Variants in DCC observed in about 807,000 individuals in gnomAD.
The protein encoded by DCC is netrin receptor DCC.
DCC carries 58 observed loss-of-function variants against 172.5 expected under a neutral mutation model. The ratio of observed to expected loss-of-function variants is 0.34; its 90% CI spans 0.27 to 0.42. DCC has a LOEUF of 0.42. Ranked by LOEUF, DCC falls within the 10% of genes least tolerant of loss-of-function variation. The probability of loss-of-function intolerance (pLI) is 1.00; values close to 1 mark genes in which losing one functional copy is unlikely to be tolerated. For missense variants in DCC, 1,740 were observed against 1,791.0 expected, an observed-to-expected ratio of 0.97 and a Z score of 0.51; for synonymous variants, 709 against 644.5, an observed-to-expected ratio of 1.10 and a Z score of -1.52.
At chr18:52,490,085 C>T (rs1313068054) in intron 1 of DCC, among the ~76,000 whole-genome samples, 1 of 152,046 alleles carries the variant, frequency 6.6e-6, no homozygotes. Flanking sequence ...TCTTTAATTG[C>T]TTACTAATGT....
intron 5 of DCC, among the ~76,000 whole-genome samples, chr18:53,034,231 T>C (rs889291202): frequency 2.6e-5 from 4 of 152,104 alleles, no homozygotes; most frequent in Middle Eastern, 3.2e-3. Context: ...CTAATAGATA[T>C]CTCATGTATA....
chr18:53,109,794 T>G (rs1049817688), intron 7 of DCC, among the ~76,000 whole-genome samples: 1 of 151,674 alleles, frequency 6.6e-6, no homozygotes, highest in African/African-American at 2.4e-5. Flanking sequence ...GTTGTCCTTT[T>G]TTTTCCTTCC....
chr18:53,099,939 C>CTTTTTTTT lies in DCC; in HGVS notation c.1261+33776_1261+33777insTTTTTTTT, dbSNP rs200213348. 4.0e-3 allele frequency among the ~76,000 whole-genome samples: 346 copies of CTTTTTTTT among 87,124 alleles called. 32 individuals are homozygous for CTTTTTTTT. The highest frequency in any genetic ancestry group is 9.4e-3 in the African/African-American group (176 of 18,818). 57.2% of individuals were successfully genotyped at this position (87,124 alleles called of 152,430 possible). ...AAGAGACTTTTCTTTTCTTTTCTTT[C>CTTTTTTTT]TTTCTTTTTTTTTTTTTTTTTGTTT... On this transcript the variant is annotated intron_variant, in intron 7 of 28. Transcript: ENST00000442544.
intron 22 of DCC, among the ~76,000 whole-genome samples, chr18:53,439,677 A>G (rs1012126082): frequency 2.6e-5 from 4 of 152,166 alleles, no homozygotes; most frequent in Non-Finnish European, 5.9e-5. Context: ...GGAAGCCCTT[A>G]ATTAAATGGT....
chr18:52,615,406 G>A (rs886550921), intron 1 of DCC, among the ~76,000 whole-genome samples: 3 of 152,156 alleles, frequency 2.0e-5, no homozygotes, highest in Admixed American at 6.5e-5. Context: ...AGCCCCTTTA[G>A]AAAATGACAT....
intron 1 of DCC, among the ~76,000 whole-genome samples, chr18:52,417,751 G>T (rs1056272591): frequency 6.6e-6 from 1 of 152,080 alleles, no homozygotes; most frequent in African/African-American, 2.4e-5. Context: ...CTCTGTATTG[G>T]TTATTCTAGT....
chr18:53,185,248 A>G (rs2055262439), intron 9 of DCC, among the ~76,000 whole-genome samples: 1 of 152,198 alleles, frequency 6.6e-6, no homozygotes, highest in African/African-American at 2.4e-5. Context: ...TAGGCTAGGT[A>G]TGATGTCTTT....
chr18:53,399,055 T>C (rs1290323157), intron 18 of DCC, among the ~76,000 whole-genome samples: 1 of 152,136 alleles, frequency 6.6e-6, no homozygotes, highest in African/African-American at 2.4e-5. Context: ...TGACTGGAAA[T>C]TTTTTGAAAT....
chr18:52,442,412 A>G (rs1306989602), intron 1 of DCC, among the ~76,000 whole-genome samples: 4 of 152,224 alleles, frequency 2.6e-5, no homozygotes, highest in Non-Finnish European at 5.9e-5. Flanking sequence ...CATGATTAAA[A>G]ATAATAATTA....
At chr18:52,576,125 G>A (rs1174497733) in intron 1 of DCC, among the ~76,000 whole-genome samples, 1 of 152,128 alleles carries the variant, frequency 6.6e-6, no homozygotes, top group Non-Finnish European at 1.5e-5. Context: ...CATCTTCATG[G>A]CAGGCAAATT....
chr18:53,098,203 T>C (rs530911892), intron 7 of DCC, among the ~76,000 whole-genome samples: 2 of 148,540 alleles, frequency 1.3e-5, no homozygotes, highest in Non-Finnish European at 3.0e-5. Flanking sequence ...AGAATAGAGT[T>C]TTTTTTTTAA....
chr18:52,446,455 C>T (rs529612294), intron 1 of DCC, among the ~76,000 whole-genome samples: 1 of 152,316 alleles, frequency 6.6e-6, no homozygotes, highest in East Asian at 1.9e-4. Context: ...ACTTCATCAA[C>T]TACTTCTCTA....
At chr18:52,349,774 TCTTTA>T (rs968747618) in intron 1 of DCC, among the ~76,000 whole-genome samples, 3 of 152,148 alleles carry the variant, frequency 2.0e-5, no homozygotes, top group African/African-American at 7.2e-5. Context: ...CCCCATTTGG[TCTTTA>T]CTTAACCAGA....
intron 3 of DCC, among the ~76,000 whole-genome samples, chr18:52,912,020 A>G (rs554712675): frequency 2.2e-4 from 34 of 152,110 alleles, no homozygotes; most frequent in African/African-American, 7.5e-4. Context: ...GTCTATTTCC[A>G]TGGATTCTGC....
At chr18:53,116,834 C>T (rs191336291) in intron 7 of DCC, among the ~76,000 whole-genome samples, 3 of 151,716 alleles carry the variant, frequency 2.0e-5, no homozygotes, top group African/African-American at 7.2e-5. Context: ...AAAAACAGTA[C>T]ACATTTATCT....
At chr18:53,215,867 G>T (rs1215362883) in intron 12 of DCC, among the ~76,000 whole-genome samples, 1 of 152,110 alleles carries the variant, frequency 6.6e-6, no homozygotes, top group African/African-American at 2.4e-5. Context: ...GTGGCCAAAG[G>T]CTATTCCATA....
chr18:53,515,144 T>C (rs1311652061), intron 27 of DCC, among the ~76,000 whole-genome samples: 11 of 151,478 alleles, frequency 7.3e-5, no homozygotes, highest in Non-Finnish European at 1.5e-4. Context: ...GCTGGTTCAA[T>C]ATACGCAAAT....
intron 2 of DCC, among the ~76,000 whole-genome samples, chr18:52,866,547 C>T (rs1450081726): frequency 6.6e-6 from 1 of 151,970 alleles, no homozygotes; most frequent in African/African-American, 2.4e-5. Flanking sequence ...CCGTTTGTGT[C>T]CTCTCTTATT....
chr18:52,808,969 A>G (rs1209783449), intron 2 of DCC, among the ~76,000 whole-genome samples: 1 of 152,106 alleles, frequency 6.6e-6, no homozygotes, highest in Non-Finnish European at 1.5e-5. Flanking sequence ...GTTTCCACTT[A>G]CTTTAACCCT....
Sources: allele counts gnomAD v4.1 joint callset (sites outside exome capture counted in the v4.1 genomes callset), GRCh38; gene constraint gnomAD v4.1.1; transcripts MANE v1.5; gene names NCBI Gene and HGNC (gene_info 2026-07-23, HGNC 2026-07-21).